Variants in CAND1 observed in about 807,000 individuals in gnomAD.
The protein encoded by CAND1 is cullin associated and neddylation dissociated 1.
In CAND1, 7 loss-of-function variants were observed where a neutral mutation model predicts 108.5. The ratio of observed to expected loss-of-function variants is 0.06; its 90% confidence interval spans 0.04 to 0.12. The LOEUF (loss-of-function observed/expected upper bound fraction) is 0.12, where lower values mean the gene tolerates loss of function less well. Among genes scored for constraint, CAND1 ranks in the 10% least tolerant of loss-of-function variants. The pLI, the probability that CAND1 is intolerant of heterozygous loss-of-function variation, is 1.00. For synonymous variants in CAND1, 534 were observed against 512.0 expected (o/e 1.04, Z -0.58); for missense variants, 941 against 1,448.7 (o/e 0.65, Z 5.69).
intron 1 of CAND1, chr12:67,270,871 A>G (rs572296196): frequency 6.6e-6 from 1 of 152,288 alleles, no homozygotes; most frequent in South Asian, 2.1e-4. Context: ...AAAGGAAATA[A>G]CAAATAGTCT....
chr12:67,294,392 AT>A (rs572398111), intron 3 of CAND1, among the ~76,000 whole-genome samples: 7,662 of 148,674 alleles, frequency 0.052, 240 homozygotes, highest in Non-Finnish European at 0.059. Context: ...GTTATGGCTG[AT>A]TTTTTTTTTT....
chr12:67,297,311 G>C (rs2044778855), intron 4 of CAND1, 96 bp from the exon 5 acceptor site: 1 of 1,146,468 alleles, frequency 8.7e-7, no homozygotes, highest in Non-Finnish European at 1.3e-6. Context: ...TTTGTGTTCT[G>C]AATATTTGCA....
At position 67,317,208 on chromosome 12, in the gene CAND1, T is replaced by A. The variant is rs1289716332; in HGVS notation, c.*4378T>A. 1 of 152,242 alleles carries A rather than the reference T, an allele frequency of 6.6e-6. No homozygotes were observed. Among genetic ancestry groups the A allele is most frequent in the Non-Finnish European group, 1.5e-5 (1 of 68,118 alleles). The allele number at this position is 152,242 out of a possible 1,614,324, so 9.4% of individuals were successfully genotyped here. On this transcript the variant is annotated 3_prime_UTR_variant, in exon 15 of 15. Transcript: ENST00000545606. ...ACTGGAGTACATAGCACGAACATGG[T>A]TTACTGCACCTCAGCTTCCTGGGCA...
intron 1 of CAND1, among the ~76,000 whole-genome samples, chr12:67,271,150 A>G (rs1423881711): frequency 6.6e-6 from 1 of 152,258 alleles, no homozygotes; most frequent in Non-Finnish European, 1.5e-5. Context: ...CATTTCGCTA[A>G]TGGTAAAAAT....
rs141654355 is a variant in CAND1, at chr12:67,318,389, A to G, written c.*5559A>G. 7 of 152,358 alleles carry G rather than the reference A, an allele frequency of 4.6e-5. No homozygotes were observed. In the East Asian group the frequency reaches 9.6e-4, roughly 21 times the overall value. 9.4% of individuals were successfully genotyped at this position (152,358 alleles called of 1,614,324 possible). Reference sequence around the variant, plus strand: ...AAATAATTTAACCTCAACTTTCCCTATCTATAAAATGGGAATTAAAATATT... The same window carrying G: ...AAATAATTTAACCTCAACTTTCCCTGTCTATAAAATGGGAATTAAAATATT... On this transcript the variant is annotated 3_prime_UTR_variant, in exon 15 of 15. Transcript: ENST00000545606.
chr12:67,282,199 G>A, intron 2 of CAND1, 146 bp downstream of exon 2: 1 of 745,858 alleles, frequency 1.3e-6, no homozygotes, highest in Non-Finnish European at 2.2e-6. Context: ...CTAATGTTTA[G>A]TGTTTGTATA....
Position 67,292,687 on chromosome 12 carries a change from C to G in CAND1, c.278C>G (p.Thr93Ser). Residue 93 changes from threonine to serine, a missense_variant, in exon 3 of 15, where the codon ACT becomes AGT. Physicochemically the swap from Thr to Ser is moderately conservative, Grantham distance 58. Transcript: ENST00000545606. ...GAGACAATTGTAGATACCCTCTGCACTAACATGCTTTCTGATAAAGAACAA... is the reference window on the plus strand; with the variant it reads ...GAGACAATTGTAGATACCCTCTGCAGTAACATGCTTTCTGATAAAGAACAA... ...QVETIVDTLC[T>S]NMLSDKEQLR... 1.2e-6 allele frequency: 2 copies of G among 1,613,404 alleles called. No individual in the cohort carries two copies. Among genetic ancestry groups the G allele is most frequent in the Non-Finnish European group, 1.7e-6 (2 of 1,179,470 alleles).
Position 67,315,469 on chromosome 12 carries a change from A to AG in CAND1, c.*2639_*2640insG, listed in dbSNP as rs1303988448. On this transcript the variant is annotated 3_prime_UTR_variant, in exon 15 of 15. Coordinates refer to ENST00000545606, the MANE Select transcript of CAND1 (RefSeq NM_018448.5). ...CTGTCTCAAAAAAAAAAAAAAAAAAAAGGCAGGAAGGAAATTTGGTATGGC... is the reference window on the plus strand; with the variant it reads ...CTGTCTCAAAAAAAAAAAAAAAAAAAGAGGCAGGAAGGAAATTTGGTATGGC... 1 of 151,754 alleles carries AG rather than the reference A, an allele frequency of 6.6e-6. No homozygotes were observed. The highest frequency in any genetic ancestry group is 1.5e-5 in the Non-Finnish European group (1 of 67,952). 9.4% of individuals were successfully genotyped at this position (151,754 alleles called of 1,614,324 possible).
intron 1 of CAND1, among the ~76,000 whole-genome samples, chr12:67,273,715 A>C (rs1442768587): frequency 6.6e-6 from 1 of 151,850 alleles, no homozygotes; most frequent in African/African-American, 2.4e-5. Flanking sequence ...GATTTCCGGC[A>C]ATCTGCCCAC....
At position 67,302,465 on chromosome 12, in the gene CAND1, C is replaced by G; in HGVS notation, c.1143C>G (p.Ser381=). 1.2e-6 allele frequency: 2 copies of G among 1,614,084 alleles called. No individual in the cohort carries two copies. The highest frequency in any genetic ancestry group is 1.7e-6 in the Non-Finnish European group (2 of 1,179,980). Residue 381 remains serine, a synonymous_variant, in exon 8 of 15, where the codon TCC becomes TCG. Coordinates refer to ENST00000545606, the MANE Select transcript of CAND1 (RefSeq NM_018448.5). ...AGACCGTCTCTCCTGCACTAATATCCAGATTTAAAGAGCGTGAAGAGAATG... is the reference window on the plus strand; with the variant it reads ...AGACCGTCTCTCCTGCACTAATATCGAGATTTAAAGAGCGTGAAGAGAATG... The part of the protein sequence containing the change: ...FYKTVSPALI[S]RFKEREENVK...
At chr12:67,286,144 A>G (rs1055800203) in intron 2 of CAND1, among the ~76,000 whole-genome samples, 1 of 152,018 alleles carries the variant, frequency 6.6e-6, no homozygotes, top group African/African-American at 2.4e-5. Context: ...ACTAGCTGGG[A>G]CTACAGGCAC....
intron 11 of CAND1, 132 bp from the exon 12 acceptor site, chr12:67,309,769 C>T: frequency 1.6e-6 from 1 of 610,800 alleles, no homozygotes; most frequent in Non-Finnish European, 2.8e-6. Context: ...TCATCAGGTT[C>T]TTCCCTGACC....
intron 1 of CAND1, among the ~76,000 whole-genome samples, chr12:67,276,062 A>G (rs142678871): frequency 1.1e-3 from 170 of 152,226 alleles, no homozygotes; most frequent in African/African-American, 3.9e-3. Context: ...TAGTCTCCTG[A>G]TGAGTATTTC....
intron 1 of CAND1, chr12:67,270,939 A>G (rs1319190117): frequency 2.0e-5 from 3 of 152,248 alleles, no homozygotes; most frequent in Admixed American, 6.5e-5. Flanking sequence ...ATGTTTTAAC[A>G]CTTGAAAATG....
intron 4 of CAND1, 47 bp downstream of exon 4, chr12:67,295,203 A>G (rs1188151880): frequency 1.3e-6 from 2 of 1,519,244 alleles, no homozygotes; most frequent in East Asian, 2.3e-5. Context: ...AGATAACTAC[A>G]TTAATTTACT....
chr12:67,304,868 G>A (rs1172237520), intron 9 of CAND1, 122 bp downstream of exon 9: 2 of 1,183,458 alleles, frequency 1.7e-6, no homozygotes, highest in East Asian at 2.5e-5. Flanking sequence ...TGCACATAGA[G>A]CTAACTTTTT....
intron 11 of CAND1, among the ~76,000 whole-genome samples, chr12:67,309,003 A>G (rs2044920406): frequency 1.3e-5 from 2 of 151,982 alleles, no homozygotes; most frequent in South Asian, 4.1e-4. Context: ...GATAGAGTTG[A>G]GATCATATAA....
Position 67,305,780 on chromosome 12 carries a change from T to C in CAND1, c.2112T>C (p.Ser704=), listed in dbSNP as rs1039705428. The change falls in exon 10 of 15, where the codon AGT becomes AGC. Residue 704 remains serine, a synonymous_variant. Transcript: ENST00000545606. The surrounding 1 kb of genome is among the most constrained non-coding windows in gnomAD (Gnocchi z 4.4). ...LDELPPLISE[S]DMHVSQMAIS... ...AGCTCCCACCTCTTATCAGCGAAAG[T>C]GATATGCATGTTTCACAAATGGCCA... 2 of 1,614,064 alleles carry C rather than the reference T, an allele frequency of 1.2e-6. No individual in the cohort carries two copies. Among genetic ancestry groups the C allele is most frequent in the African/African-American group, 1.3e-5 (1 of 74,944 alleles).
Position 67,310,261 on chromosome 12 carries a change from T to C in CAND1, c.3305T>C (p.Ile1102Thr). 6.2e-7 allele frequency: 1 copy of C among 1,611,220 alleles called. No individual in the cohort carries two copies. The highest frequency in any genetic ancestry group is 8.5e-7 in the Non-Finnish European group (1 of 1,177,758). The change falls in exon 13 of 15, where the codon ATC becomes ACC. Residue 1102 changes from isoleucine to threonine, a missense_variant. By Grantham distance (89) the Ile-to-Thr change is moderately conservative. Coordinates refer to ENST00000545606, the MANE Select transcript of CAND1 (RefSeq NM_018448.5). ...LLDSCLDRLD[I>T]FEFLNHVEDG... Reference sequence around the variant, plus strand: ...GACAGTTGTCTTGATAGACTTGATATCTTTGAATTTCTAAATCATGTTGAA... The same window carrying C: ...GACAGTTGTCTTGATAGACTTGATACCTTTGAATTTCTAAATCATGTTGAA...
Sources: allele counts gnomAD v4.1 joint callset (sites outside exome capture counted in the v4.1 genomes callset), GRCh38; gene constraint gnomAD v4.1.1; non-coding constraint Gnocchi (gnomAD v3.1); transcripts MANE v1.5; gene names NCBI Gene and HGNC (gene_info 2026-07-23, HGNC 2026-07-21).